The following SYNDIG1 variants were observed in gnomAD, a reference collection of about 807,000 sequenced individuals.
The protein encoded by SYNDIG1 is synapse differentiation inducing 1.
Under a neutral mutation model 19.4 loss-of-function variants are expected in SYNDIG1, and 9 were observed. The observed-to-expected ratio is 0.46, with a 90% CI of 0.28 to 0.81. The LOEUF (loss-of-function observed/expected upper bound fraction) is 0.81, where lower values mean the gene tolerates loss of function less well. SYNDIG1 is among the 30% of genes least tolerant of loss of function. The probability of loss-of-function intolerance (pLI) is 0.12; values close to 1 mark genes in which losing one functional copy is unlikely to be tolerated. For missense variants in SYNDIG1, 311 were observed against 343.3 expected (o/e 0.91, Z 0.74); for synonymous variants, 141 against 145.9 (o/e 0.97, Z 0.24).
Position 24,543,546 on chromosome 20 carries a change from T to TGGAGGA in SYNDIG1, c.460_465dup (p.Glu154_Glu155dup). On this transcript the variant is annotated inframe_insertion, in exon 2 of 4. Coordinates refer to ENST00000376862, the MANE Select transcript of SYNDIG1 (RefSeq NM_024893.3). ...AAAATCCACACCCTGTCCTACGATG[T>TGGAGGA]GGAGGAGGAGGAGGAGTTCCAGGAG... 6.3e-7 allele frequency: 1 copy of TGGAGGA among 1,592,078 alleles called. No homozygotes were observed. Among genetic ancestry groups the TGGAGGA allele is most frequent in the Non-Finnish European group, 8.5e-7 (1 of 1,171,264 alleles).
At chr20:24,612,581 G>C (rs1239918146) in intron 3 of SYNDIG1, among the ~76,000 whole-genome samples, 2 of 152,172 alleles carry the variant, frequency 1.3e-5, no homozygotes, top group African/African-American at 2.4e-5. Context: ...TAACTTAACA[G>C]AATTCAAAAG....
intron 1 of SYNDIG1, among the ~76,000 whole-genome samples, chr20:24,487,433 T>C (rs1369641731): frequency 6.6e-6 from 1 of 152,138 alleles, no homozygotes; most frequent in Non-Finnish European, 1.5e-5. Flanking sequence ...ATGCCAGCTC[T>C]GTCCCTTACA....
intron 2 of SYNDIG1, among the ~76,000 whole-genome samples, chr20:24,567,171 T>C (rs1444968925): frequency 6.6e-6 from 1 of 151,752 alleles, no homozygotes; most frequent in Non-Finnish European, 1.5e-5. Flanking sequence ...TTTTATTGAG[T>C]AAAAAGGAAG....
At chr20:24,662,415 T>C (rs552000721) in intron 3 of SYNDIG1, among the ~76,000 whole-genome samples, 1 of 152,302 alleles carries the variant, frequency 6.6e-6, no homozygotes, top group Admixed American at 6.5e-5. Flanking sequence ...CAGTGTGGGC[T>C]GTGCAGGAGC....
chr20:24,548,141 G>A (rs1301130690), intron 2 of SYNDIG1, among the ~76,000 whole-genome samples: 1 of 152,172 alleles, frequency 6.6e-6, no homozygotes, highest in Non-Finnish European at 1.5e-5. Flanking sequence ...CATCCTACAC[G>A]TGGAGAGACA....
intron 1 of SYNDIG1, 64 bp from the exon 2 acceptor site, chr20:24,542,956 C>A: frequency 1.6e-6 from 2 of 1,274,638 alleles, no homozygotes; most frequent in Non-Finnish European, 2.2e-6. Flanking sequence ...CAATGTGGGT[C>A]TGGGTGATTA....
chr20:24,564,752 A>G (rs986390026), intron 2 of SYNDIG1, among the ~76,000 whole-genome samples: 1 of 149,572 alleles, frequency 6.7e-6, no homozygotes, highest in East Asian at 2.0e-4. Context: ...GGAGGCCCCC[A>G]CTGTGCAAAG....
At chr20:24,568,927 G>T (rs1050312309) in intron 2 of SYNDIG1, among the ~76,000 whole-genome samples, 15 of 152,174 alleles carry the variant, frequency 9.9e-5, no homozygotes, top group Non-Finnish European at 2.9e-5. Context: ...CTCAGAGATG[G>T]TGCACGTCCG....
chr20:24,568,223 C>T (rs1317611998), intron 2 of SYNDIG1, among the ~76,000 whole-genome samples: 1 of 152,214 alleles, frequency 6.6e-6, no homozygotes, highest in Non-Finnish European at 1.5e-5. Flanking sequence ...CGTTGCACTG[C>T]AGCTGCTGGA....
rs146240712 is a variant in SYNDIG1 at position 24,470,433 on chromosome 20, C to G, written c.-79+680C>G. Reference sequence around the variant, plus strand: ...GACAAGACCTGCCTTCAAAAGCTGTCTGGCCCCTGGCAGCCGCGACAGCCT... The same window carrying G: ...GACAAGACCTGCCTTCAAAAGCTGTGTGGCCCCTGGCAGCCGCGACAGCCT... On this transcript the variant is annotated intron_variant, in intron 1 of 3. Coordinates refer to ENST00000376862, the MANE Select transcript of SYNDIG1 (RefSeq NM_024893.3). Among the ~76,000 whole-genome samples, 4 of 152,354 alleles carry G rather than the reference C, an allele frequency of 2.6e-5. No homozygotes were observed. The East Asian group carries it at 7.7e-4, about 29-fold the overall frequency.
intron 3 of SYNDIG1, among the ~76,000 whole-genome samples, chr20:24,635,158 T>A (rs2059302931): frequency 6.6e-6 from 1 of 151,854 alleles, no homozygotes; most frequent in Non-Finnish European, 1.5e-5. Context: ...ACCTCACTTG[T>A]CTCCTGCTGG....
chr20:24,558,582 A>G (rs897902851), intron 2 of SYNDIG1, among the ~76,000 whole-genome samples: 20 of 152,010 alleles, frequency 1.3e-4, no homozygotes, highest in Admixed American at 6.5e-5. Context: ...TTCTGCATGT[A>G]TCCTGGTTTA....
intron 3 of SYNDIG1, among the ~76,000 whole-genome samples, chr20:24,635,280 A>G (rs2059304407): frequency 6.6e-6 from 1 of 152,192 alleles, no homozygotes; most frequent in South Asian, 2.1e-4. Context: ...CTGTCACAAA[A>G]TCCACTGCTA....
chr20:24,647,887 T>C (rs939125336), intron 3 of SYNDIG1, among the ~76,000 whole-genome samples: 1 of 151,776 alleles, frequency 6.6e-6, no homozygotes, highest in Non-Finnish European at 1.5e-5. Flanking sequence ...GCCATCTGTT[T>C]CTCACAATTC....
In SYNDIG1 at chr20:24,516,824, A is replaced by G. The variant is rs1029262234; in HGVS notation, c.-78-26196A>G. Among the ~76,000 whole-genome samples, 3 of 152,172 alleles carry G rather than the reference A, an allele frequency of 2.0e-5. No homozygotes were observed. In the East Asian group the frequency reaches 5.8e-4, roughly 29 times the overall value. ...CCAGCCATCTCATTACTGGGTATGT[A>G]CCCAAAGGATTATAAACACATGCAC... On this transcript the variant is annotated intron_variant, in intron 1 of 3. Coordinates refer to ENST00000376862, the MANE Select transcript of SYNDIG1 (RefSeq NM_024893.3).
intron 2 of SYNDIG1, among the ~76,000 whole-genome samples, chr20:24,563,889 C>T (rs549102874): frequency 6.6e-6 from 1 of 152,202 alleles, no homozygotes; most frequent in African/African-American, 2.4e-5. Context: ...CAGGCATGAA[C>T]TATTGCACCT....
intron 1 of SYNDIG1, among the ~76,000 whole-genome samples, chr20:24,509,693 G>A (rs2056692409): frequency 6.6e-6 from 1 of 152,132 alleles, no homozygotes; most frequent in East Asian, 1.9e-4. Flanking sequence ...AAGGCCTTAA[G>A]TTTTCATTTG....
intron 3 of SYNDIG1, among the ~76,000 whole-genome samples, chr20:24,628,118 C>T (rs905289924): frequency 3.3e-5 from 5 of 152,168 alleles, no homozygotes; most frequent in African/African-American, 4.8e-5. Flanking sequence ...GCTCGCTCTC[C>T]GGGGCATCCC....
chr20:24,498,407 ATTTC>A (rs1237340648), intron 1 of SYNDIG1, among the ~76,000 whole-genome samples: 3 of 152,158 alleles, frequency 2.0e-5, no homozygotes, highest in Non-Finnish European at 4.4e-5. Flanking sequence ...TGTCCTTTAA[ATTTC>A]TACGTTAGCC....
Sources: gnomAD v4.1 joint callset for allele counts (sites outside exome capture counted in the v4.1 genomes callset) on GRCh38, gnomAD v4.1.1 for gene constraint, MANE v1.5 for transcripts, NCBI Gene and HGNC (gene_info 2026-07-23, HGNC 2026-07-21) for gene names.